PCDHAC1: variants seen among roughly 807,000 people sequenced by gnomAD.
PCDHAC1 encodes protocadherin alpha subfamily C, 1, also known as protocadherin alpha-C1.
A neutral mutation model predicts 60.0 loss-of-function variants in PCDHAC1; 42 were observed. That is an observed-to-expected ratio of 0.70 (90% CI 0.55 to 0.90). PCDHAC1 has a LOEUF of 0.90. PCDHAC1 is among the 40% of genes least tolerant of loss of function. The pLI is 0.00. For synonymous variants in PCDHAC1, 468 were observed against 499.3 expected (o/e 0.94, Z 0.84); for missense variants, 1,160 against 1,222.3 (o/e 0.95, Z 0.76).
At chr5:140,951,541 G>C (rs1029557427) in intron 1 of PCDHAC1, among the ~76,000 whole-genome samples, 5 of 152,092 alleles carry the variant, frequency 3.3e-5, no homozygotes, top group African/African-American at 1.2e-4. Flanking sequence ...AGGAGCAAGG[G>C]ACGGGGGGAA....
chr5:140,995,529 C>G (rs1191657600), intron 3 of PCDHAC1, among the ~76,000 whole-genome samples: 1 of 152,078 alleles, frequency 6.6e-6, no homozygotes, highest in East Asian at 1.9e-4. Flanking sequence ...GAAATCAAAC[C>G]TCAAATAAGG....
At chr5:141,002,948 C>A (rs2098104348) in intron 3 of PCDHAC1, among the ~76,000 whole-genome samples, 1 of 152,152 alleles carries the variant, frequency 6.6e-6, no homozygotes, top group African/African-American at 2.4e-5. Flanking sequence ...CAGCACATGC[C>A]CCTCTGAGAG....
chr5:140,980,252 A>C (rs993133768), intron 2 of PCDHAC1, among the ~76,000 whole-genome samples: 6 of 152,188 alleles, frequency 3.9e-5, no homozygotes, highest in African/African-American at 1.4e-4. Context: ...CAATGGGTAA[A>C]AGCATGGTTT....
intron 3 of PCDHAC1, among the ~76,000 whole-genome samples, chr5:140,999,615 A>G (rs535054544): frequency 5.3e-5 from 8 of 152,322 alleles, no homozygotes; most frequent in Admixed American, 3.3e-4. Flanking sequence ...GACCTTATCA[A>G]CCAGGAAACA....
chr5:140,932,351 A>C (rs1401387848), intron 1 of PCDHAC1, among the ~76,000 whole-genome samples: 1 of 151,920 alleles, frequency 6.6e-6, no homozygotes, highest in Non-Finnish European at 1.5e-5. Flanking sequence ...TTACCATACA[A>C]CTGGCCTTAT....
chr5:140,966,998 C>G, intron 1 of PCDHAC1: 1 of 1,604,774 alleles, frequency 6.2e-7, no homozygotes. Context: ...GGGTTGCTTG[C>G]GCATCAACCA....
At chr5:140,951,289 T>C (rs546786558) in intron 1 of PCDHAC1, among the ~76,000 whole-genome samples, 12 of 152,232 alleles carry the variant, frequency 7.9e-5, no homozygotes, top group Non-Finnish European at 1.3e-4. Context: ...TTTTGGATTA[T>C]ATCTTGATAT....
intron 3 of PCDHAC1, among the ~76,000 whole-genome samples, chr5:140,992,294 G>C (rs2097504138): frequency 1.3e-5 from 2 of 152,190 alleles, no homozygotes; most frequent in African/African-American, 4.8e-5. Context: ...CAAAGGATGG[G>C]AGTATTGTTT....
At chr5:140,939,537 C>T (rs2092406859) in intron 1 of PCDHAC1, among the ~76,000 whole-genome samples, 1 of 150,686 alleles carries the variant, frequency 6.6e-6, no homozygotes, top group Non-Finnish European at 1.5e-5. Context: ...TATACAGAGC[C>T]TCTATTTCTT....
Position 140,928,504 on chromosome 5 carries a change from A to G in PCDHAC1, c.1612A>G (p.Thr538Ala), listed in dbSNP as rs1408229072. 1 of 1,614,092 alleles carries G rather than the reference A, an allele frequency of 6.2e-7. No homozygotes were observed. Among genetic ancestry groups the G allele is most frequent in the African/African-American group, 1.3e-5 (1 of 74,936 alleles). ...RDGGIPPRSA[T>A]VTINLFVVDR... ...TGGTGGCATTCCTCCCAGAAGTGCA[A>G]CAGTGACTATAAACTTGTTTGTGGT... The change falls in exon 1 of 4, where the codon ACA (threonine) becomes GCA (alanine). Residue 538 changes from threonine (T) to alanine (A), a missense_variant. Thr to Ala is a moderately conservative substitution (Grantham distance 58, BLOSUM62 0). Transcript: ENST00000253807.
At chr5:140,966,835 G>A in intron 1 of PCDHAC1, 10 of 1,564,886 alleles carry the variant, frequency 6.4e-6, no homozygotes, top group Non-Finnish European at 7.8e-6. Flanking sequence ...TGCCCTGGCT[G>A]CTGCTACTGC....
chr5:140,950,995 C>G (rs1554219713), intron 1 of PCDHAC1, among the ~76,000 whole-genome samples: 1 of 151,856 alleles, frequency 6.6e-6, no homozygotes, highest in Non-Finnish European at 1.5e-5. Flanking sequence ...TCTTTTAGCT[C>G]CATTTTTCCC....
intron 1 of PCDHAC1, chr5:140,968,266 G>A: frequency 6.2e-7 from 1 of 1,614,080 alleles, no homozygotes; most frequent in Non-Finnish European, 8.5e-7. Context: ...ATGAAAAGGA[G>A]AATGCAGAGG....
intron 3 of PCDHAC1, among the ~76,000 whole-genome samples, chr5:141,007,495 G>T (rs2098332812): frequency 6.6e-6 from 1 of 151,988 alleles, no homozygotes; most frequent in Non-Finnish European, 1.5e-5. Flanking sequence ...TTGGACCTAG[G>T]AGGCAGAGAC....
At chr5:140,954,787 T>C (rs2095088208) in intron 1 of PCDHAC1, among the ~76,000 whole-genome samples, 1 of 152,218 alleles carries the variant, frequency 6.6e-6, no homozygotes, top group African/African-American at 2.4e-5. Flanking sequence ...TAGATCTCAT[T>C]TGTCAATTTT....
chr5:140,996,976 G>T (rs573896136), intron 3 of PCDHAC1, among the ~76,000 whole-genome samples: 1 of 151,960 alleles, frequency 6.6e-6, no homozygotes, highest in Non-Finnish European at 1.5e-5. Context: ...CTCCCCTTTG[G>T]TGAAGCAACC....
intron 3 of PCDHAC1, among the ~76,000 whole-genome samples, chr5:140,987,362 A>G (rs1490856237): frequency 6.6e-6 from 1 of 152,208 alleles, no homozygotes; most frequent in Non-Finnish European, 1.5e-5. Flanking sequence ...AGGTTGTCTT[A>G]TATCATTACA....
chr5:141,009,953 A>G lies in PCDHAC1; in HGVS notation c.*16A>G, dbSNP rs782663496. 3 of 1,592,888 alleles carry G rather than the reference A, an allele frequency of 1.9e-6. No homozygotes were observed. Among genetic ancestry groups the G allele is most frequent in the Non-Finnish European group, 2.6e-6 (3 of 1,172,546 alleles). On this transcript the variant is annotated 3_prime_UTR_variant, in exon 4 of 4. Transcript: ENST00000253807. ...TGACCAGTGAGGTCCTCAAATGGAA[A>G]CAAGCCACTTAGCCAGTTTTTGTAA...
In PCDHAC1 at chr5:140,983,247, G is replaced by A. The variant is rs112993813; in HGVS notation, c.2581+684G>A. ...ACTTTCAGGAAAGAGAACCTGCTAA[G>A]TTGTGTAAAAAACCTAATGGCTGGG... On this transcript the variant is annotated intron_variant, in intron 3 of 3. Coordinates refer to ENST00000253807, the MANE Select transcript of PCDHAC1 (RefSeq NM_018898.5). Among the ~76,000 whole-genome samples the A allele has an allele frequency of 9.0e-3, 1,377 of 152,306 alleles. 16 individuals are homozygous for A. The highest frequency in any genetic ancestry group is 0.043 in the East Asian group (224 of 5,190).
Sources: allele counts gnomAD v4.1 joint callset (sites outside exome capture counted in the v4.1 genomes callset), GRCh38; gene constraint gnomAD v4.1.1; transcripts MANE v1.5; gene names NCBI Gene and HGNC (gene_info 2026-07-23, HGNC 2026-07-21).